Variants in PLEKHH2 observed in about 807,000 individuals in gnomAD.
PLEKHH2 encodes the protein pleckstrin homology domain-containing family H member 2.
Under a neutral mutation model 187.9 loss-of-function variants are expected in PLEKHH2, and 129 were observed. The observed-to-expected ratio is 0.69, with a 90% CI of 0.59 to 0.79. PLEKHH2 has a LOEUF of 0.79. Ranked by LOEUF, PLEKHH2 falls within the 30% of genes least tolerant of loss-of-function variation. The pLI, the probability that PLEKHH2 is intolerant of heterozygous loss-of-function variation, is 0.00. For missense variants in PLEKHH2, 2,076 were observed against 1,751.2 expected (o/e 1.19, Z -3.31); for synonymous variants, 686 against 605.6 (o/e 1.13, Z -1.95).
intron 3 of PLEKHH2, chr2:43,681,046 C>T (rs1668150587): frequency 2.3e-6 from 3 of 1,290,240 alleles, no homozygotes; most frequent in East Asian, 2.5e-5. Flanking sequence ...GAATTCCTTC[C>T]TGTACCATTA....
chr2:43,749,329 A>C (rs1476908978), intron 24 of PLEKHH2, among the ~76,000 whole-genome samples: 1 of 152,178 alleles, frequency 6.6e-6, no homozygotes. Flanking sequence ...TGGAGTCTTC[A>C]CTTCAAGTTG....
intron 6 of PLEKHH2, among the ~76,000 whole-genome samples, chr2:43,696,480 C>A (rs1669096144): frequency 7.8e-6 from 1 of 127,938 alleles, no homozygotes. Context: ...AAAGAGACAC[C>A]CTGTCTCAAA....
intron 2 of PLEKHH2, among the ~76,000 whole-genome samples, chr2:43,678,287 T>A (rs1175635087): frequency 3.3e-5 from 5 of 151,848 alleles, no homozygotes; most frequent in African/African-American, 1.2e-4. Flanking sequence ...GCAGAGACGC[T>A]CCTCACTTCC....
chr2:43,694,368 G>C, intron 4 of PLEKHH2, 63 bp from the exon 5 acceptor site: 1 of 1,477,286 alleles, frequency 6.8e-7, no homozygotes, highest in Non-Finnish European at 9.1e-7. Context: ...TATATTTATG[G>C]TAAAACATTT....
intron 14 of PLEKHH2, 71 bp downstream of exon 14, chr2:43,710,646 A>T: frequency 2.7e-6 from 4 of 1,503,928 alleles, no homozygotes; most frequent in Non-Finnish European, 1.8e-6. Context: ...ATCCAACCTA[A>T]TGGAAAGGAG....
chr2:43,651,073 G>A (rs1374917999), intron 2 of PLEKHH2, among the ~76,000 whole-genome samples: 2 of 152,158 alleles, frequency 1.3e-5, no homozygotes, highest in African/African-American at 4.8e-5. Context: ...TTGTAATATA[G>A]ATTGTGAAAA....
At chr2:43,667,921 A>G (rs1017606272) in intron 2 of PLEKHH2, among the ~76,000 whole-genome samples, 2 of 152,236 alleles carry the variant, frequency 1.3e-5, no homozygotes, top group Admixed American at 6.5e-5. Context: ...TGTACACTTT[A>G]AAGTGGTTAA....
At chr2:43,750,063 C>A (rs1157695695) in intron 24 of PLEKHH2, among the ~76,000 whole-genome samples, 5 of 152,052 alleles carry the variant, frequency 3.3e-5, no homozygotes, top group Admixed American at 3.3e-4. Context: ...TTGTAAGAGC[C>A]AAGGCATGTT....
intron 2 of PLEKHH2, among the ~76,000 whole-genome samples, chr2:43,663,982 A>G (rs1404352891): frequency 8.6e-6 from 1 of 116,818 alleles, no homozygotes; most frequent in East Asian, 2.0e-4. Context: ...GTAGATGTCT[A>G]TTAGGTCCGC....
intron 21 of PLEKHH2, 53 bp downstream of exon 21, chr2:43,741,096 G>T: frequency 6.7e-7 from 1 of 1,486,904 alleles, no homozygotes; most frequent in South Asian, 1.2e-5. Flanking sequence ...GAAAGTCTAC[G>T]ATAAATCATA....
At chr2:43,739,491 A>G (rs1671461450) in intron 20 of PLEKHH2, among the ~76,000 whole-genome samples, 1 of 152,176 alleles carries the variant, frequency 6.6e-6, no homozygotes, top group African/African-American at 2.4e-5. Flanking sequence ...TCGGGGTTGG[A>G]TCTAGGTTTT....
At chr2:43,676,417 G>C in intron 2 of PLEKHH2, 1 of 978,880 alleles carries the variant, frequency 1.0e-6, no homozygotes, top group Non-Finnish European at 1.5e-6. Flanking sequence ...TGCGCTCCCG[G>C]TTGGGCCACT....
chr2:43,642,141 A>C (rs1665970063), intron 1 of PLEKHH2, among the ~76,000 whole-genome samples: 1 of 152,080 alleles, frequency 6.6e-6, no homozygotes, highest in Admixed American at 6.6e-5. Flanking sequence ...GGTATTTTTA[A>C]ATTTCTTTCA....
intron 2 of PLEKHH2, chr2:43,675,770 T>C (rs765303651): frequency 1.2e-6 from 2 of 1,613,642 alleles, no homozygotes; most frequent in East Asian, 4.5e-5. Context: ...CTTAAGACAA[T>C]CCCTCCTTCC....
At chr2:43,711,825 C>G (rs149821371) in intron 14 of PLEKHH2, 1 of 551,346 alleles carries the variant, frequency 1.8e-6, no homozygotes, top group African/African-American at 2.2e-5. Context: ...ACCCAGGAGG[C>G]GGAGCTTGCA....
chr2:43,666,149 A>G lies in PLEKHH2; in HGVS notation c.124-12714A>G, dbSNP rs532629645. ...AGATTCCGTGGGCGTAGGACCCTCC[A>G]AGCCAGGTGTGGGATATAGTCTCGT... On this transcript the variant is annotated intron_variant, in intron 2 of 29. Transcript: ENST00000282406. 6.7e-5 allele frequency among the ~76,000 whole-genome samples: 10 copies of G among 149,606 alleles called. No individual in the cohort carries two copies. The South Asian group carries it at 8.5e-4, about 13-fold the overall frequency.
At chr2:43,646,005 A>C (rs10174938) in intron 2 of PLEKHH2, among the ~76,000 whole-genome samples, 99,278 of 151,916 alleles carry the variant, frequency 0.65, 33,190 homozygotes, top group African/African-American at 0.78. Context: ...AAACATCATT[A>C]AGTCTAAACT....
At chr2:43,707,599 T>A (rs1287276790) in intron 11 of PLEKHH2, 54 bp downstream of exon 11, 20 of 1,590,570 alleles carry the variant, frequency 1.3e-5, no homozygotes, top group Non-Finnish European at 1.6e-5. Context: ...TGAATATTAA[T>A]TGGGAATTTT....
chr2:43,726,286 G>T lies in PLEKHH2; in HGVS notation c.2556G>T (p.Gln852His), dbSNP rs189326613. 3 of 1,609,422 alleles carry T rather than the reference G, an allele frequency of 1.9e-6. No individual in the cohort carries two copies. In the African/African-American group the frequency reaches 4.0e-5, roughly 21 times the overall value. The change falls in exon 17 of 30, where the codon CAG becomes CAT. Residue 852 changes from glutamine (Q) to histidine (H), a missense_variant. Transcript: ENST00000282406. ...ATTTACTTTAGTTTCCTTTAGGTCA[G>T]ATCAAACTCTGGGAGGCTAAAGTGG... ...RSQEDKFPLG[Q>H]IKLWEAKVEE...
Sources: allele counts gnomAD v4.1 joint callset (sites outside exome capture counted in the v4.1 genomes callset), GRCh38; gene constraint gnomAD v4.1.1; transcripts MANE v1.5; gene names NCBI Gene and HGNC (gene_info 2026-07-23, HGNC 2026-07-21).